The following INTS3 variants were observed in gnomAD, a reference collection of about 807,000 sequenced individuals.
INTS3 encodes integrator complex subunit 3.
Under a neutral mutation model 146.3 loss-of-function variants are expected in INTS3, and 34 were observed. That is an observed-to-expected ratio of 0.23 (90% confidence interval 0.18 to 0.31). The LOEUF (loss-of-function observed/expected upper bound fraction) is 0.31. Among genes scored for constraint, INTS3 ranks in the 10% least tolerant of loss-of-function variants. INTS3 has a pLI of 1.00. For missense variants in INTS3, 757 were observed against 1,304.2 expected, an observed-to-expected ratio of 0.58 and a Z score of 6.46; for synonymous variants, 475 against 494.9, an observed-to-expected ratio of 0.96 and a Z score of 0.53.
Position 153,772,319 on chromosome 1 carries a change from G to T in INTS3, c.2721-21G>T. 6.2e-7 allele frequency: 1 copy of T among 1,610,722 alleles called. No individual in the cohort carries two copies. The highest frequency in any genetic ancestry group is 1.3e-5 in the African/African-American group (1 of 74,996). ...GGAACCCTCCCACACTCAGACTCTG[G>T]CTCTGGTGATTCCTGCACAGCCTGA... On this transcript the variant is annotated intron_variant, in intron 26 of 29. Transcript: ENST00000318967. This position sits in a 1 kb window ranked among gnomAD's most constrained non-coding sequence, Gnocchi z 4.6.
rs1671989416 is a variant in INTS3 at position 153,752,333 on chromosome 1, G to A, written c.784G>A (p.Ala262Thr). The A allele has an allele frequency of 1.2e-6, 2 of 1,613,334 alleles. No individual in the cohort carries two copies. The highest frequency in any genetic ancestry group is 1.1e-5 in the South Asian group (1 of 90,972). ...RDLVRLLQNV[A>T]RIPEFELLWK... ...TCTCGTAAGACTACTTCAGAATGTT[G>A]CTAGGATACCAGAATTTGAACTGCT... The change falls in exon 8 of 30, where the codon GCT (alanine) becomes ACT (threonine). Residue 262 changes from alanine (A) to threonine (T), a missense_variant. Around this residue, in one of 8 missense-constraint regions of INTS3, gnomAD observed 134 missense variants for 243.1 expected, o/e 0.55. Transcript: ENST00000318967.
At chr1:153,758,361 G>T (rs1421084010) in intron 10 of INTS3, among the ~76,000 whole-genome samples, 1 of 152,182 alleles carries the variant, frequency 6.6e-6, no homozygotes, top group Non-Finnish European at 1.5e-5. Flanking sequence ...AGGGGTGGGG[G>T]TCTCTTCTTC....
intron 3 of INTS3, among the ~76,000 whole-genome samples, chr1:153,744,904 A>G (rs1032102370): frequency 3.3e-5 from 5 of 152,108 alleles, no homozygotes; most frequent in South Asian, 4.2e-4. Flanking sequence ...GAGGTGGTTA[A>G]GCATGTTATA....
intron 13 of INTS3, chr1:153,761,162 G>T: frequency 9.9e-7 from 1 of 1,008,002 alleles, no homozygotes; most frequent in Non-Finnish European, 1.4e-6. Flanking sequence ...ATCTGAGTAT[G>T]GTCCAGTTAG....
intron 1 of INTS3, among the ~76,000 whole-genome samples, chr1:153,735,489 G>A (rs1671251525): frequency 6.6e-6 from 1 of 152,186 alleles, no homozygotes; most frequent in Non-Finnish European, 1.5e-5. Context: ...GCTAGCTGCT[G>A]TTTGATTTTG....
At chr1:153,771,204 C>T (rs928428971) in intron 25 of INTS3, among the ~76,000 whole-genome samples, 6 of 152,328 alleles carry the variant, frequency 3.9e-5, no homozygotes, top group African/African-American at 1.2e-4. Flanking sequence ...GAGAGGGTGG[C>T]AGCCCCCTCT....
chr1:153,753,653 CT>C (rs797009198), intron 8 of INTS3: 4 of 147,258 alleles, frequency 2.7e-5, no homozygotes, highest in African/African-American at 1.0e-4. Flanking sequence ...AGAGGCAGGT[CT>C]CTTTTTTTTT....
chr1:153,772,845 C>T lies in INTS3; in HGVS notation c.2895-80C>T. ...GGGTTGAAGAAAAAGAAGGCCTAGG[C>T]CTGGGGGCAGAGAAGAGGATGGGAG... On this transcript the variant is annotated intron_variant, in intron 28 of 29. Coordinates refer to ENST00000318967, the MANE Select transcript of INTS3 (RefSeq NM_023015.5). The surrounding 1 kb of genome is among the most constrained non-coding windows in gnomAD (Gnocchi z 4.6). The T allele has an allele frequency of 3.1e-6, 5 of 1,596,778 alleles. No individual in the cohort carries two copies. The highest frequency in any genetic ancestry group is 4.3e-6 in the Non-Finnish European group (5 of 1,167,540).
chr1:153,764,781 T>G, intron 19 of INTS3, 47 bp downstream of exon 19: 2 of 1,540,854 alleles, frequency 1.3e-6, no homozygotes, highest in Non-Finnish European at 1.8e-6. Flanking sequence ...CCATCCTCCC[T>G]GACAGCACAC....
At chr1:153,736,094 C>G (rs1246234882) in intron 1 of INTS3, among the ~76,000 whole-genome samples, 1 of 152,128 alleles carries the variant, frequency 6.6e-6, no homozygotes, top group Non-Finnish European at 1.5e-5. Context: ...CTCCCCTTAT[C>G]ATATAGGAGG....
chr1:153,737,529 C>T (rs1176819282), intron 1 of INTS3, among the ~76,000 whole-genome samples: 3 of 152,096 alleles, frequency 2.0e-5, no homozygotes, highest in African/African-American at 7.2e-5. Context: ...GACAGAGTCT[C>T]ATTCTGTAGC....
intron 10 of INTS3, among the ~76,000 whole-genome samples, chr1:153,758,548 C>G (rs1672248350): frequency 6.6e-6 from 1 of 152,186 alleles, no homozygotes; most frequent in Non-Finnish European, 1.5e-5. Flanking sequence ...TGGCTCACGC[C>G]TGTAATCCCA....
intron 8 of INTS3, chr1:153,753,818 G>C (rs1268360355): frequency 6.6e-6 from 1 of 152,006 alleles, no homozygotes; most frequent in Non-Finnish European, 1.5e-5. Context: ...ATCATGCCCA[G>C]GTAAATGTTG....
At chr1:153,737,968 C>T (rs1176640885) in intron 1 of INTS3, among the ~76,000 whole-genome samples, 1 of 152,186 alleles carries the variant, frequency 6.6e-6, no homozygotes, top group Non-Finnish European at 1.5e-5. Flanking sequence ...CAGTAGATAG[C>T]AATCTTGTTT....
intron 10 of INTS3, among the ~76,000 whole-genome samples, chr1:153,758,943 C>CCAAAA (rs976480470): frequency 2.2e-4 from 33 of 151,956 alleles, no homozygotes; most frequent in African/African-American, 4.3e-4. Context: ...CCCATCTCTA[C>CCAAAA]CAAAACAAAA....
At chr1:153,729,979 C>G (rs563964266) in intron 1 of INTS3, among the ~76,000 whole-genome samples, 48 of 152,082 alleles carry the variant, frequency 3.2e-4, no homozygotes, top group African/African-American at 1.1e-3. Context: ...AGTACATTAA[C>G]AGGCCTTAGC....
At chr1:153,734,626 GA>G (rs1279263624) in intron 1 of INTS3, among the ~76,000 whole-genome samples, 2 of 152,220 alleles carry the variant, frequency 1.3e-5, no homozygotes, top group African/African-American at 4.8e-5. Flanking sequence ...GGGGCCTAGA[GA>G]AACTGTTCAA....
In INTS3 at chr1:153,772,026, TGG is replaced by T; in HGVS notation, c.2720+64_2720+65del. The T allele has an allele frequency of 8.0e-7, 1 of 1,245,518 alleles. No individual in the cohort carries two copies. 77.2% of individuals were successfully genotyped at this position (1,245,518 alleles called of 1,614,324 possible). The stretch of plus-strand genomic sequence containing the variant: ...GGTCTGCAGTGATTGCTGTCGGTGG[TGG>T]TGGTGGTGGTGGTGGTGGTGGTGAT... On this transcript the variant is annotated intron_variant, in intron 26 of 29. Coordinates refer to ENST00000318967, the MANE Select transcript of INTS3 (RefSeq NM_023015.5). This position sits in a 1 kb window ranked among gnomAD's most constrained non-coding sequence, Gnocchi z 4.6.
At chr1:153,765,162 G>C in intron 20 of INTS3, 99 bp downstream of exon 20, 2 of 1,341,066 alleles carry the variant, frequency 1.5e-6, no homozygotes, top group Admixed American at 3.8e-5. Flanking sequence ...CATCACCAGG[G>C]CCTTCTTTGT....
Sources: allele counts gnomAD v4.1 joint callset (sites outside exome capture counted in the v4.1 genomes callset), GRCh38; gene constraint gnomAD v4.1.1; regional missense constraint gnomAD v4.1.1; non-coding constraint Gnocchi (gnomAD v3.1); transcripts MANE v1.5; gene names NCBI Gene and HGNC (gene_info 2026-07-23, HGNC 2026-07-21).